NWD2: variants seen among roughly 807,000 people sequenced by gnomAD.
NWD2 encodes NACHT and WD repeat domain-containing protein 2.
NWD2 carries 37 observed loss-of-function variants against 132.7 expected under a neutral mutation model. The observed-to-expected ratio is 0.28, with a 90% CI of 0.21 to 0.37. NWD2 has a LOEUF of 0.37. Ranked by LOEUF, NWD2 falls within the 10% of genes least tolerant of loss-of-function variation. The pLI, the probability that NWD2 is intolerant of heterozygous loss-of-function variation, is 1.00. For missense variants in NWD2, 1,592 were observed against 2,122.4 expected, an observed-to-expected ratio of 0.75 and a Z score of 4.91; for synonymous variants, 705 against 803.0, an observed-to-expected ratio of 0.88 and a Z score of 2.06.
chr4:37,277,082 T>C (rs1718034663), intron 1 of NWD2, among the ~76,000 whole-genome samples: 3 of 151,510 alleles, frequency 2.0e-5, no homozygotes, highest in South Asian at 2.1e-4. Context: ...CATGTACATA[T>C]GTAACAAACC....
chr4:37,252,815 C>T (rs1297239436), intron 1 of NWD2, among the ~76,000 whole-genome samples: 1 of 152,196 alleles, frequency 6.6e-6, no homozygotes, highest in African/African-American at 2.4e-5. Flanking sequence ...AGCTGCCCAT[C>T]CTCTTAAGGC....
chr4:37,385,162 T>C (rs969171337), intron 3 of NWD2, among the ~76,000 whole-genome samples: 1 of 152,138 alleles, frequency 6.6e-6, no homozygotes, highest in African/African-American at 2.4e-5. Context: ...CAGCTGACCC[T>C]AGAGCCCCAA....
intron 2 of NWD2, among the ~76,000 whole-genome samples, chr4:37,339,966 T>C (rs1390867151): frequency 7.9e-5 from 12 of 151,860 alleles, no homozygotes; most frequent in African/African-American, 2.9e-4. Flanking sequence ...TTTTTTTTTT[T>C]TTCACTGAAG....
Position 37,444,865 on chromosome 4 carries a change from G to A in NWD2, c.2877G>A (p.Glu959=). The change falls in exon 7 of 7, where the codon GAG becomes GAA. Residue 959 remains glutamate, a synonymous_variant. Coordinates refer to ENST00000309447, the MANE Select transcript of NWD2 (RefSeq NM_001144990.2). This position sits in a 1 kb window ranked among gnomAD's most constrained non-coding sequence, Gnocchi z 4.8. Reference sequence around the variant, plus strand: ...CCATGGATGTGACATACAGCCCAGAGCGTCTTCCCTTATCATCCAGTCACC... The same window carrying A: ...CCATGGATGTGACATACAGCCCAGAACGTCTTCCCTTATCATCCAGTCACC... ...HSSMDVTYSP[E]RLPLSSSHLH... The A allele has an allele frequency of 6.4e-7, 1 of 1,552,260 alleles. No homozygotes were observed. Among genetic ancestry groups the A allele is most frequent in the Non-Finnish European group, 8.7e-7 (1 of 1,147,124 alleles).
chr4:37,429,462 A>G (rs1054103591), intron 3 of NWD2, among the ~76,000 whole-genome samples: 1 of 152,020 alleles, frequency 6.6e-6, no homozygotes, highest in Non-Finnish European at 1.5e-5. Context: ...TTACAGTCAC[A>G]TGCCACCATG....
At chr4:37,306,991 T>C (rs1577662414) in intron 1 of NWD2, among the ~76,000 whole-genome samples, 1 of 148,070 alleles carries the variant, frequency 6.8e-6, no homozygotes, top group African/African-American at 2.5e-5. Flanking sequence ...GCCACTGCAC[T>C]CCAGCCTAGG....
intron 1 of NWD2, among the ~76,000 whole-genome samples, chr4:37,276,878 T>A (rs555375960): frequency 2.2e-4 from 34 of 151,590 alleles, no homozygotes; most frequent in African/African-American, 8.2e-4. Context: ...GCAAACTATC[T>A]CAAGGACAAA....
chr4:37,252,766 C>G (rs1256270881), intron 1 of NWD2, among the ~76,000 whole-genome samples: 1 of 152,144 alleles, frequency 6.6e-6, no homozygotes, highest in Non-Finnish European at 1.5e-5. Flanking sequence ...GCCCAAGATT[C>G]CTTATAGGGG....
chr4:37,433,132 A>G (rs1404882265), intron 4 of NWD2, among the ~76,000 whole-genome samples: 1 of 152,214 alleles, frequency 6.6e-6, no homozygotes, highest in East Asian at 1.9e-4. Context: ...CAAAGTAATT[A>G]TCTATAACAA....
chr4:37,371,063 T>C (rs970213270), intron 3 of NWD2, among the ~76,000 whole-genome samples: 20 of 89,676 alleles, frequency 2.2e-4, no homozygotes, highest in Admixed American at 4.7e-4. Flanking sequence ...AGAAGTTCAA[T>C]TTTTTTTTCT....
chr4:37,309,793 C>T (rs1164099979), intron 1 of NWD2, among the ~76,000 whole-genome samples: 3 of 152,290 alleles, frequency 2.0e-5, no homozygotes, highest in Admixed American at 2.0e-4. Context: ...CTTCTCTATG[C>T]TACCTTCCCA....
At chr4:37,304,504 C>G (rs1451075850) in intron 1 of NWD2, among the ~76,000 whole-genome samples, 1 of 152,158 alleles carries the variant, frequency 6.6e-6, no homozygotes, top group African/African-American at 2.4e-5. Context: ...AAGTCTCTTC[C>G]ACCTATAAGC....
chr4:37,282,969 C>T (rs1389460684), intron 1 of NWD2, among the ~76,000 whole-genome samples: 1 of 152,162 alleles, frequency 6.6e-6, no homozygotes, highest in Non-Finnish European at 1.5e-5. Context: ...TATTGTCTTA[C>T]TGGGGACACT....
At chr4:37,420,113 G>A (rs1711760043) in intron 3 of NWD2, among the ~76,000 whole-genome samples, 2 of 152,256 alleles carry the variant, frequency 1.3e-5, no homozygotes, top group Admixed American at 1.3e-4. Flanking sequence ...TGTTAATAGG[G>A]TGAGCGTTAT....
At chr4:37,370,251 TA>T (rs1453008867) in intron 3 of NWD2, among the ~76,000 whole-genome samples, 3 of 152,218 alleles carry the variant, frequency 2.0e-5, no homozygotes, top group Non-Finnish European at 4.4e-5. Context: ...TATTTCTGCT[TA>T]GTTCAGCATT....
In NWD2 at chr4:37,443,085, G is replaced by A. The variant is rs567745319; in HGVS notation, c.1297-200G>A. Among the ~76,000 whole-genome samples the A allele has an allele frequency of 6.6e-5, 10 of 152,216 alleles. No individual in the cohort carries two copies. In the East Asian group the frequency reaches 1.9e-3, roughly 29 times the overall value. ...GTACACTCAGTAGGGGTAATCCTGA[G>A]GGTCTCACCTGTAGATTTTGGTACA... is the stretch of plus-strand genomic sequence containing the variant. On this transcript the variant is annotated intron_variant, in intron 6 of 6. Transcript: ENST00000309447. This position sits in a 1 kb window ranked among gnomAD's most constrained non-coding sequence, Gnocchi z 4.1.
At chr4:37,370,284 A>G (rs894534017) in intron 3 of NWD2, among the ~76,000 whole-genome samples, 2 of 152,226 alleles carry the variant, frequency 1.3e-5, no homozygotes, top group African/African-American at 4.8e-5. Flanking sequence ...ATTGTTATAC[A>G]AAAATATGTA....
chr4:37,392,086 A>G (rs2054498), intron 3 of NWD2, among the ~76,000 whole-genome samples: 77,253 of 151,898 alleles, frequency 0.51, 19,838 homozygotes, highest in Non-Finnish European at 0.53. Flanking sequence ...CTGTAATCCC[A>G]GCTACTTGGG....
rs1161298317 is a variant in NWD2 at position 37,397,643 on chromosome 4, C to A, written c.358-32929C>A. 2.0e-5 allele frequency among the ~76,000 whole-genome samples: 3 copies of A among 152,180 alleles called. No homozygotes were observed. The East Asian group carries it at 5.8e-4, about 29-fold the overall frequency. On this transcript the variant is annotated intron_variant, in intron 3 of 6. Transcript: ENST00000309447. ...GAAGGTGACTTCAGAGCCCTTATTA[C>A]CAATTCCCCAGCGTTCTCAGGTTCA...
Sources: gnomAD v4.1 joint callset for allele counts (sites outside exome capture counted in the v4.1 genomes callset) on GRCh38, gnomAD v4.1.1 for gene constraint, Gnocchi (gnomAD v3.1) non-coding constraint, MANE v1.5 for transcripts, NCBI Gene and HGNC (gene_info 2026-07-23, HGNC 2026-07-21) for gene names.